LRRTM4: variants seen among roughly 807,000 people sequenced by gnomAD.
LRRTM4 encodes leucine-rich repeat transmembrane neuronal protein 4.
LRRTM4 carries 25 observed loss-of-function variants against 47.6 expected under a neutral mutation model. The observed-to-expected ratio is 0.53, with a 90% CI of 0.38 to 0.73. LRRTM4 has a LOEUF of 0.73. LRRTM4 is among the 30% of genes least tolerant of loss of function. LRRTM4 has a pLI of 0.00. For missense variants in LRRTM4, 638 were observed against 713.4 expected (o/e 0.89, Z 1.20); for synonymous variants, 311 against 269.5 (o/e 1.15, Z -1.51).
intron 3 of LRRTM4, among the ~76,000 whole-genome samples, chr2:77,124,444 G>C (rs1671604013): frequency 6.6e-6 from 1 of 152,038 alleles, no homozygotes; most frequent in African/African-American, 2.4e-5. Context: ...AGACAAAATT[G>C]GTTGTAAATT....
intron 3 of LRRTM4, among the ~76,000 whole-genome samples, chr2:76,812,696 T>TTTCTTTC (rs370561225): frequency 1.0e-4 from 10 of 96,496 alleles, no homozygotes; most frequent in African/African-American, 4.1e-4. Flanking sequence ...TCTTTCTTTC[T>TTTCTTTC]TTTCTTTCTT....
At chr2:77,124,066 C>T (rs1236701087) in intron 3 of LRRTM4, among the ~76,000 whole-genome samples, 1 of 151,286 alleles carries the variant, frequency 6.6e-6, no homozygotes, top group African/African-American at 2.5e-5. Flanking sequence ...TAGTGATCTA[C>T]TCATTTTTCT....
chr2:77,380,463 A>G (rs1420328466), intron 3 of LRRTM4, among the ~76,000 whole-genome samples: 1 of 152,180 alleles, frequency 6.6e-6, no homozygotes, highest in East Asian at 1.9e-4. Context: ...ACACAAGTTT[A>G]GTAAAATGGC....
intron 3 of LRRTM4, among the ~76,000 whole-genome samples, chr2:76,942,690 G>C (rs12998359): frequency 6.6e-6 from 1 of 151,910 alleles, no homozygotes; most frequent in South Asian, 2.1e-4. Flanking sequence ...GTGTGTGTGT[G>C]TGTGTGTGTG....
At chr2:77,338,827 T>C (rs1411728549) in intron 3 of LRRTM4, among the ~76,000 whole-genome samples, 2 of 151,970 alleles carry the variant, frequency 1.3e-5, no homozygotes, top group Admixed American at 6.6e-5. Flanking sequence ...CTATTCACAA[T>C]AGCAAAGCCA....
At chr2:76,832,232 T>C (rs1004955544) in intron 3 of LRRTM4, among the ~76,000 whole-genome samples, 1 of 152,092 alleles carries the variant, frequency 6.6e-6, no homozygotes, top group Non-Finnish European at 1.5e-5. Context: ...TCTAAGCAAT[T>C]TGGAAGTTTG....
At chr2:77,290,151 C>T (rs781004164) in intron 3 of LRRTM4, among the ~76,000 whole-genome samples, 2 of 151,782 alleles carry the variant, frequency 1.3e-5, no homozygotes, top group Non-Finnish European at 2.9e-5. Context: ...AAATAAAAAG[C>T]CCAGTCCACA....
chr2:77,083,664 T>C (rs1680603754), intron 3 of LRRTM4, among the ~76,000 whole-genome samples: 1 of 152,040 alleles, frequency 6.6e-6, no homozygotes, highest in Non-Finnish European at 1.5e-5. Flanking sequence ...GAACAGTTAG[T>C]AAAGATCAAT....
At position 77,519,374 on chromosome 2, in the gene LRRTM4, T is replaced by A; in HGVS notation, c.495A>T (p.Arg165Ser). Residue 165 changes from arginine (R) to serine (S), a missense_variant, in exon 3 of 4, where the codon AGA (arginine) becomes AGT (serine). Transcript: ENST00000409884. The surrounding 1 kb of genome is among the most constrained non-coding windows in gnomAD (Gnocchi z 4.6). ...GLRKLIILHL[R>S]SNSLKTVPIR... Reference sequence around the variant, plus strand: ...TGGGCACAGTCTTTAGTGAGTTAGATCTCAAGTGCAAAATGATGAGTTTCC... The same window carrying A: ...TGGGCACAGTCTTTAGTGAGTTAGAACTCAAGTGCAAAATGATGAGTTTCC... The A allele has an allele frequency of 6.2e-7, 1 of 1,613,398 alleles. No homozygotes were observed. The highest frequency in any genetic ancestry group is 8.5e-7 in the Non-Finnish European group (1 of 1,179,602).
intron 3 of LRRTM4, among the ~76,000 whole-genome samples, chr2:77,368,941 C>A (rs1342824531): frequency 1.3e-5 from 2 of 151,756 alleles, no homozygotes; most frequent in Non-Finnish European, 3.0e-5. Flanking sequence ...AATGGCTTCA[C>A]CAATCTATAT....
intron 3 of LRRTM4, among the ~76,000 whole-genome samples, chr2:76,783,115 C>G (rs1558649925): frequency 6.6e-6 from 1 of 152,050 alleles, no homozygotes; most frequent in Admixed American, 6.6e-5. Context: ...ACAAAATTAT[C>G]AGAGTTAATT....
chr2:77,200,130 C>T (rs142045055), intron 3 of LRRTM4, among the ~76,000 whole-genome samples: 297 of 152,062 alleles, frequency 2.0e-3, no homozygotes, highest in African/African-American at 6.8e-3. Flanking sequence ...CATACTTGGC[C>T]ATGGAACCCC....
chr2:76,982,581 C>A (rs2103969544), intron 3 of LRRTM4, among the ~76,000 whole-genome samples: 1 of 152,058 alleles, frequency 6.6e-6, no homozygotes, highest in Middle Eastern at 3.4e-3. Context: ...AGAAGAGTCA[C>A]CAGACTGGGT....
At chr2:77,104,637 C>A (rs1205482530) in intron 3 of LRRTM4, among the ~76,000 whole-genome samples, 1 of 152,150 alleles carries the variant, frequency 6.6e-6, no homozygotes, top group Non-Finnish European at 1.5e-5. Flanking sequence ...CAGAAGGAAG[C>A]ACAAGATCCG....
intron 3 of LRRTM4, among the ~76,000 whole-genome samples, chr2:77,346,431 C>A (rs533344324): frequency 8.2e-4 from 124 of 152,050 alleles, no homozygotes; most frequent in Non-Finnish European, 1.6e-3. Flanking sequence ...AAAACAATGA[C>A]GGATAGAAAT....
chr2:77,202,700 G>A (rs1175931114), intron 3 of LRRTM4, among the ~76,000 whole-genome samples: 2 of 151,474 alleles, frequency 1.3e-5, no homozygotes, highest in African/African-American at 2.4e-5. Flanking sequence ...TCAGCTTTTT[G>A]TATAAGCTAA....
chr2:77,117,361 A>C (rs1261531400), intron 3 of LRRTM4, among the ~76,000 whole-genome samples: 2 of 152,132 alleles, frequency 1.3e-5, no homozygotes, highest in East Asian at 3.9e-4. Context: ...AGGTATTTAA[A>C]TATTATCTCT....
rs762453132 is a variant in LRRTM4 at position 76,960,932 on chromosome 2, C to T, written c.1552-212016G>A. On this transcript the variant is annotated intron_variant, in intron 3 of 3. Transcript: ENST00000409884. ...TAATGACTATGTATAATACACTGTG[C>T]TACCAATGTGTGGATATTAAAGTAA... Among the ~76,000 whole-genome samples, 7 of 151,358 alleles carry T rather than the reference C, an allele frequency of 4.6e-5. No individual in the cohort carries two copies. In the South Asian group the frequency reaches 1.2e-3, roughly 27 times the overall value.
rs138671700 is a variant in LRRTM4, at chr2:76,791,049, G to A, written c.1552-42133C>T. ...TACAATGATAAAGAGGTAATTTACTGGGGCTATAACACTGGCTGTTACTTT... is the reference window on the plus strand; with the variant it reads ...TACAATGATAAAGAGGTAATTTACTAGGGCTATAACACTGGCTGTTACTTT... On this transcript the variant is annotated intron_variant, in intron 3 of 3. Coordinates refer to ENST00000409884, the MANE Select transcript of LRRTM4 (RefSeq NM_001134745.3). 4.4e-3 allele frequency among the ~76,000 whole-genome samples: 671 copies of A among 152,230 alleles called. 20 individuals are homozygous for A. The highest frequency in any genetic ancestry group is 0.033 in the Admixed American group (509 of 15,272).
Sources: allele counts gnomAD v4.1 joint callset (sites outside exome capture counted in the v4.1 genomes callset), GRCh38; gene constraint gnomAD v4.1.1; non-coding constraint Gnocchi (gnomAD v3.1); transcripts MANE v1.5; gene names NCBI Gene and HGNC (gene_info 2026-07-23, HGNC 2026-07-21).